FAM200B: variants seen among roughly 807,000 people sequenced by gnomAD.
FAM200B encodes protein FAM200B.
In FAM200B, 32 loss-of-function variants were observed where a neutral mutation model predicts 33.1. That is an observed-to-expected ratio of 0.97 (90% CI 0.73 to 1.30). The LOEUF is 1.30. Among genes scored for constraint, FAM200B ranks in the 50% most tolerant of loss-of-function variants. The pLI, the probability that FAM200B is intolerant of heterozygous loss-of-function variation, is 0.00. For missense variants in FAM200B, 741 were observed against 754.0 expected, an observed-to-expected ratio of 0.98 and a Z score of 0.20; for synonymous variants, 240 against 264.8, an observed-to-expected ratio of 0.91 and a Z score of 0.91.
At chr4:15,639,919 A>C in the FAM200B span, among the ~76,000 whole-genome samples, 3 of 152,236 alleles carry the variant, frequency 2.0e-5, no homozygotes, top group Non-Finnish European at 4.4e-5. Context: ...TCATAAAATA[A>C]TTTATCTATT....
At chr4:15,660,741 A>C in the FAM200B span, among the ~76,000 whole-genome samples, 1 of 152,206 alleles carries the variant, frequency 6.6e-6, no homozygotes, top group Non-Finnish European at 1.5e-5. Flanking sequence ...TCCCAGGCTG[A>C]CTTGTTAAGG....
At chr4:15,646,632 G>C in the FAM200B span, among the ~76,000 whole-genome samples, 1 of 151,708 alleles carries the variant, frequency 6.6e-6, no homozygotes, top group African/African-American at 2.4e-5. Flanking sequence ...TGCCATGTTG[G>C]TGTGCTGCAC....
the FAM200B span, among the ~76,000 whole-genome samples, chr4:15,670,105 A>ATT: frequency 2.0e-5 from 3 of 152,236 alleles, no homozygotes; most frequent in African/African-American, 7.2e-5. Context: ...GTGTATCAAC[A>ATT]GTTCATTCTT....
the FAM200B span, among the ~76,000 whole-genome samples, chr4:15,648,836 T>G: frequency 5.7e-4 from 87 of 152,220 alleles, no homozygotes; most frequent in East Asian, 0.015. Context: ...GTACTTGAAA[T>G]TTGCTGAGAG....
chr4:15,687,834 T>G lies in FAM200B; in HGVS notation c.857T>G (p.Leu286Ter), dbSNP rs1212901486. 1.0e-5 allele frequency: 16 copies of G among 1,551,148 alleles called. No individual in the cohort carries two copies. Among genetic ancestry groups the G allele is most frequent in the Middle Eastern group, 1.7e-4 (1 of 6,002 alleles). Residue 286 changes from leucine (L) to a stop codon, truncating the protein, a stop_gained, in exon 2 of 2, where the codon TTA (leucine) becomes TGA (stop). Coordinates refer to ENST00000422728, the MANE Select transcript of FAM200B (RefSeq NM_001145191.2). LOFTEE classifies it high-confidence loss of function. ...LERRIVGQYK[L>*]NWKNCKGITS... ...AGGCGCATAGTTGGCCAATATAAATTAAACTGGAAAAACTGTAAAGGAATT... is the reference window on the plus strand; with the variant it reads ...AGGCGCATAGTTGGCCAATATAAATGAAACTGGAAAAACTGTAAAGGAATT...
At chr4:15,671,171 G>C in the FAM200B span, among the ~76,000 whole-genome samples, 2 of 151,504 alleles carry the variant, frequency 1.3e-5, no homozygotes, top group African/African-American at 4.9e-5. Context: ...TGATTTGCCA[G>C]CTTCAGCCTT....
the FAM200B span, among the ~76,000 whole-genome samples, chr4:15,645,187 C>T: frequency 6.6e-6 from 1 of 151,870 alleles, no homozygotes; most frequent in Non-Finnish European, 1.5e-5. Flanking sequence ...TCTAAGCTGT[C>T]TTATTGCCTA....
Position 15,687,713 on chromosome 4 carries a change from A to C in FAM200B, c.736A>C (p.Arg246=). 1 of 1,551,060 alleles carries C rather than the reference A, an allele frequency of 6.4e-7. No homozygotes were observed. The highest frequency in any genetic ancestry group is 1.2e-5 in the South Asian group (1 of 83,966). The stretch of plus-strand genomic sequence containing the variant: ...CTGCACAACACTTTTAGTTTATGTC[A>C]GATATGCGTGGCAAGATGATTTTTT... ...GSCTTLLVYV[R]YAWQDDFLED... Residue 246 remains arginine, a synonymous_variant, in exon 2 of 2, where the codon AGA becomes CGA. Transcript: ENST00000422728.
At chr4:15,679,935 G>T (rs978027359), upstream of FAM200B, among the ~76,000 whole-genome samples, 1 of 152,182 alleles carries the variant, frequency 6.6e-6, no homozygotes, top group African/African-American at 2.4e-5. Context: ...ATGTAGAAAT[G>T]ACATGTATTC....
At chr4:15,651,918 A>G in the FAM200B span, among the ~76,000 whole-genome samples, 12 of 152,154 alleles carry the variant, frequency 7.9e-5, no homozygotes, top group African/African-American at 2.9e-4. Flanking sequence ...CACTCCTGAC[A>G]CTTTAATGTG....
chr4:15,677,276 T>C (rs1488728736), upstream of FAM200B, among the ~76,000 whole-genome samples: 6 of 152,208 alleles, frequency 3.9e-5, no homozygotes, highest in African/African-American at 7.2e-5. Context: ...ATAAAAAATA[T>C]ATTTATTCTT....
the FAM200B span, among the ~76,000 whole-genome samples, chr4:15,650,872 C>T: frequency 6.6e-6 from 1 of 151,862 alleles, no homozygotes; most frequent in East Asian, 1.9e-4. Flanking sequence ...ACCTCATGAT[C>T]CACCTGCCTC....
chr4:15,655,423 G>C, the FAM200B span: 4 of 996,036 alleles, frequency 4.0e-6, no homozygotes, highest in Non-Finnish European at 4.8e-6. Context: ...CGGCTTGGCC[G>C]GCGGGGACGC....
At chr4:15,642,207 C>T in the FAM200B span, among the ~76,000 whole-genome samples, 1 of 151,798 alleles carries the variant, frequency 6.6e-6, no homozygotes. Flanking sequence ...TATCAGCCCT[C>T]TCAAAGCATG....
chr4:15,690,409 C>T lies in FAM200B; in HGVS notation c.*1458C>T, dbSNP rs1389511706. 1 of 163,226 alleles carries T rather than the reference C, an allele frequency of 6.1e-6. No homozygotes were observed. The highest frequency in any genetic ancestry group is 2.4e-5 in the African/African-American group (1 of 40,950). The allele number at this position is 163,226 out of a possible 1,614,324, so 10.1% of individuals were successfully genotyped here. On this transcript the variant is annotated 3_prime_UTR_variant, in exon 2 of 2. Transcript: ENST00000422728. The stretch of plus-strand genomic sequence containing the variant: ...TTCTATTGAAGGTAATTGATTTTTT[C>T]TTTTTTTTTAATGCTTGAAATAAAG...
intron 1 of FAM200B, among the ~76,000 whole-genome samples, chr4:15,683,894 G>A (rs1046503072): frequency 6.6e-6 from 1 of 152,182 alleles, no homozygotes; most frequent in Non-Finnish European, 1.5e-5. Context: ...TATGCATTGA[G>A]TAACTACCAT....
At chr4:15,661,206 G>A in the FAM200B span, among the ~76,000 whole-genome samples, 1 of 152,120 alleles carries the variant, frequency 6.6e-6, no homozygotes, top group Non-Finnish European at 1.5e-5. Context: ...ACTACTATAG[G>A]TGTTTCCCCT....
the FAM200B span, chr4:15,638,413 T>C: frequency 1.2e-6 from 1 of 867,296 alleles, no homozygotes; most frequent in Non-Finnish European, 1.7e-6. Flanking sequence ...CAGGCCTAAC[T>C]TGAATTATTC....
the FAM200B span, chr4:15,659,661 T>C: frequency 1.2e-6 from 1 of 839,790 alleles, no homozygotes; most frequent in East Asian, 1.2e-4. Flanking sequence ...TCCATAAAGT[T>C]TCCTTGCAAA....
Sources: allele counts gnomAD v4.1 joint callset (sites outside exome capture counted in the v4.1 genomes callset), GRCh38; gene constraint gnomAD v4.1.1; transcripts MANE v1.5; gene names NCBI Gene and HGNC (gene_info 2026-07-23, HGNC 2026-07-21).